RBFOX1: variants seen among roughly 807,000 people sequenced by gnomAD.
The protein encoded by RBFOX1 is RNA binding fox-1 homolog 1, also known as RNA binding protein fox-1 homolog 1.
RBFOX1 carries 8 observed loss-of-function variants against 57.7 expected under a neutral mutation model. That is an observed-to-expected ratio of 0.14 (90% confidence interval 0.08 to 0.25). The LOEUF (loss-of-function observed/expected upper bound fraction) is 0.25, where lower values mean the gene tolerates loss of function less well. RBFOX1 is among the 10% of genes least tolerant of loss of function. The pLI is 1.00. For missense variants in RBFOX1, 611 were observed against 548.5 expected (o/e 1.11, Z -1.14); for synonymous variants, 326 against 222.4 (o/e 1.47, Z -4.15).
intron 3 of RBFOX1, among the ~76,000 whole-genome samples, chr16:6,840,985 C>T (rs1048654155): frequency 1.3e-5 from 2 of 152,048 alleles, no homozygotes; most frequent in Non-Finnish European, 2.9e-5. Flanking sequence ...GGTGGACACT[C>T]ACCAGACACT....
intron 14 of RBFOX1, among the ~76,000 whole-genome samples, chr16:7,683,038 C>T (rs756147436): frequency 5.5e-3 from 2 of 362 alleles, no homozygotes; most frequent in Non-Finnish European, 8.2e-3. Flanking sequence ...ATATATAAAA[C>T]AGTGCTCCTC....
chr16:6,186,300 G>A (rs1239219561), intron 1 of RBFOX1, among the ~76,000 whole-genome samples: 2 of 152,276 alleles, frequency 1.3e-5, no homozygotes, highest in Non-Finnish European at 2.9e-5. Flanking sequence ...TCCAGGGGAT[G>A]ATTTTTCTGT....
At chr16:5,712,010 G>C (rs1167564943) in intron 3 of RBFOX1, among the ~76,000 whole-genome samples, 1 of 152,178 alleles carries the variant, frequency 6.6e-6, no homozygotes, top group Non-Finnish European at 1.5e-5. Flanking sequence ...TGGCTGGGAA[G>C]GCCTCAGGAA....
At chr16:5,544,603 C>T (rs1172873235) in intron 2 of RBFOX1, among the ~76,000 whole-genome samples, 1 of 152,030 alleles carries the variant, frequency 6.6e-6, no homozygotes, top group Non-Finnish European at 1.5e-5. Flanking sequence ...AAACCAACAG[C>T]TAGTTCTTTG....
chr16:6,978,369 A>G (rs188696977), intron 3 of RBFOX1, among the ~76,000 whole-genome samples: 2 of 152,212 alleles, frequency 1.3e-5, no homozygotes, highest in South Asian at 2.1e-4. Context: ...AGATCTAATT[A>G]CTCATACAGA....
At chr16:6,466,485 C>T (rs976471823) in intron 2 of RBFOX1, among the ~76,000 whole-genome samples, 1 of 152,056 alleles carries the variant, frequency 6.6e-6, no homozygotes, top group Non-Finnish European at 1.5e-5. Flanking sequence ...AATAACTTGC[C>T]ACGTTTCTTG....
chr16:7,012,713 G>A (rs981394930), intron 3 of RBFOX1, among the ~76,000 whole-genome samples: 1 of 152,186 alleles, frequency 6.6e-6, no homozygotes, highest in Non-Finnish European at 1.5e-5. Flanking sequence ...AGAGTGACTT[G>A]CTTTGTAATT....
At chr16:6,653,365 C>T (rs1237097350) in intron 2 of RBFOX1, among the ~76,000 whole-genome samples, 2 of 152,174 alleles carry the variant, frequency 1.3e-5, no homozygotes, top group Admixed American at 6.5e-5. Flanking sequence ...TGCCATGTGT[C>T]TTCTACATTG....
intron 1 of RBFOX1, among the ~76,000 whole-genome samples, chr16:6,230,191 A>C (rs2097448152): frequency 6.6e-6 from 1 of 152,342 alleles, no homozygotes; most frequent in African/African-American, 2.4e-5. Context: ...GAAGAGATGA[A>C]GTTAAGCAAT....
intron 1 of RBFOX1, among the ~76,000 whole-genome samples, chr16:5,281,220 T>A (rs2151148062): frequency 6.6e-6 from 1 of 152,348 alleles, no homozygotes. Flanking sequence ...TTAATGTCCA[T>A]GTATTTGTAC....
chr16:7,139,369 A>G (rs754298573), intron 4 of RBFOX1, among the ~76,000 whole-genome samples: 1 of 152,180 alleles, frequency 6.6e-6, no homozygotes. Context: ...TCTTTCTGCC[A>G]TGCTTGGCTT....
At chr16:6,234,426 A>G (rs997644237) in intron 1 of RBFOX1, among the ~76,000 whole-genome samples, 22 of 152,222 alleles carry the variant, frequency 1.4e-4, no homozygotes, top group African/African-American at 5.3e-4. Context: ...TTTTTATTGG[A>G]TCCTTATCAT....
At chr16:6,988,962 C>T (rs1013210900) in intron 3 of RBFOX1, among the ~76,000 whole-genome samples, 2 of 151,966 alleles carry the variant, frequency 1.3e-5, no homozygotes, top group African/African-American at 4.8e-5. Context: ...TGGGTTTTCC[C>T]ATGTTGGCTA....
chr16:6,358,654 A>C (rs991014849), intron 2 of RBFOX1, among the ~76,000 whole-genome samples: 3 of 152,196 alleles, frequency 2.0e-5, no homozygotes, highest in African/African-American at 7.2e-5. Context: ...ACTATTATTC[A>C]TTTCACTTAC....
chr16:5,743,953 C>T (rs2052876097), intron 3 of RBFOX1, among the ~76,000 whole-genome samples: 1 of 152,224 alleles, frequency 6.6e-6, no homozygotes, highest in Non-Finnish European at 1.5e-5. Context: ...TCTATGCTGA[C>T]AGCATCTATG....
At chr16:6,572,846 C>T (rs562875636) in intron 2 of RBFOX1, among the ~76,000 whole-genome samples, 67 of 152,204 alleles carry the variant, frequency 4.4e-4, no homozygotes, top group African/African-American at 1.4e-3. Flanking sequence ...CACCCACCTT[C>T]GCCTCCCAAA....
chr16:5,761,376 A>G (rs986068608), intron 3 of RBFOX1, among the ~76,000 whole-genome samples: 3 of 152,200 alleles, frequency 2.0e-5, no homozygotes, highest in African/African-American at 7.2e-5. Flanking sequence ...TTTATTTCCC[A>G]AGGAATATGT....
At chr16:7,214,993 C>A (rs1489509918) in intron 4 of RBFOX1, among the ~76,000 whole-genome samples, 1 of 152,098 alleles carries the variant, frequency 6.6e-6, no homozygotes, top group Non-Finnish European at 1.5e-5. Flanking sequence ...CACCTATCAA[C>A]CCATCATCTA....
intron 3 of RBFOX1, among the ~76,000 whole-genome samples, chr16:6,718,901 T>A (rs1045368504): frequency 3.3e-5 from 5 of 152,094 alleles, no homozygotes; most frequent in African/African-American, 1.2e-4. Context: ...CTTGTACTGT[T>A]GCCTAGGCTG....
Sources: gnomAD v4.1 joint callset for allele counts (sites outside exome capture counted in the v4.1 genomes callset) on GRCh38, gnomAD v4.1.1 for gene constraint, MANE v1.5 for transcripts, NCBI Gene and HGNC (gene_info 2026-07-23, HGNC 2026-07-21) for gene names.